The following HEATR4 variants were observed in gnomAD, a reference collection of about 807,000 sequenced individuals.
The protein encoded by HEATR4 is HEAT repeat containing 4, also known as HEAT repeat-containing protein 4.
In HEATR4, 95 loss-of-function variants were observed where a neutral mutation model predicts 108.8. The observed-to-expected ratio is 0.87, with a 90% confidence interval of 0.74 to 1.04. The LOEUF (loss-of-function observed/expected upper bound fraction) is 1.04. Among genes scored for constraint, HEATR4 ranks in the 50% least tolerant of loss-of-function variants. HEATR4 has a pLI of 0.00. For missense variants in HEATR4, 1,152 were observed against 1,253.8 expected (o/e 0.92, Z 1.23); for synonymous variants, 443 against 459.4 (o/e 0.96, Z 0.46).
chr14:73,496,131 C>T (rs1011412148), intron 15 of HEATR4, among the ~76,000 whole-genome samples: 6 of 151,474 alleles, frequency 4.0e-5, no homozygotes, highest in East Asian at 1.9e-4. Flanking sequence ...CTGTCCCCCC[C>T]TCAAAAAAAA....
intron 10 of HEATR4, among the ~76,000 whole-genome samples, chr14:73,504,805 GCA>G (rs1886707836): frequency 6.6e-6 from 1 of 152,210 alleles, no homozygotes; most frequent in Non-Finnish European, 1.5e-5. Context: ...AGATGAAGTA[GCA>G]CATAGGAAGA....
chr14:73,537,514 G>T lies in HEATR4; in HGVS notation c.-151-7270C>A, dbSNP rs1180383431. 26 of 1,213,748 alleles carry T rather than the reference G, an allele frequency of 2.1e-5. 7 individuals carry two copies. The highest frequency in any genetic ancestry group is 2.8e-5 in the Non-Finnish European group (26 of 922,180). 75.2% of individuals were successfully genotyped at this position (1,213,748 alleles called of 1,614,324 possible). A position where few individuals can be genotyped will look rare whatever the true frequency, so the allele number is the denominator to read the frequency against. ...TGCGCGGCCTAGCCCCGGAGCAGCCGGTCACGCTGCGCGCGTCCCTGCGCG... is the reference window on the plus strand; with the variant it reads ...TGCGCGGCCTAGCCCCGGAGCAGCCTGTCACGCTGCGCGCGTCCCTGCGCG... On this transcript the variant is annotated intron_variant, in intron 1 of 17. Transcript: ENST00000553558.
intron 2 of HEATR4, among the ~76,000 whole-genome samples, chr14:73,528,514 A>T (rs1345123345): frequency 6.6e-6 from 1 of 152,002 alleles, no homozygotes; most frequent in Non-Finnish European, 1.5e-5. Context: ...ACAAAATATT[A>T]CTAGGTCTGA....
intron 7 of HEATR4, among the ~76,000 whole-genome samples, chr14:73,511,633 G>T (rs542361446): frequency 6.6e-6 from 1 of 152,078 alleles, no homozygotes; most frequent in Non-Finnish European, 1.5e-5. Context: ...CCAGCAGTTT[G>T]GGAGGTTAAG....
the HEATR4 span, chr14:73,631,763 C>T: frequency 1.3e-5 from 2 of 154,328 alleles, no homozygotes; most frequent in Non-Finnish European, 2.9e-5. Flanking sequence ...ACCACCTGGC[C>T]TGAGGTTGAA....
intron 17 of HEATR4, chr14:73,491,845 C>A: frequency 6.2e-7 from 1 of 1,609,548 alleles, no homozygotes; most frequent in South Asian, 1.1e-5. Context: ...AGACCCTGAA[C>A]CCACCCGGCC....
the HEATR4 span, among the ~76,000 whole-genome samples, chr14:73,587,523 T>C: frequency 6.6e-6 from 1 of 152,144 alleles, no homozygotes; most frequent in Non-Finnish European, 1.5e-5. Context: ...ACCCAGCTAA[T>C]TTTTGCATTT....
At chr14:73,576,309 AACT>A in the HEATR4 span, among the ~76,000 whole-genome samples, 4 of 152,022 alleles carry the variant, frequency 2.6e-5, no homozygotes, top group African/African-American at 9.7e-5. Context: ...TTAGATATAA[AACT>A]ACTAAAAATT....
At chr14:73,616,422 G>T in the HEATR4 span, among the ~76,000 whole-genome samples, 2 of 152,106 alleles carry the variant, frequency 1.3e-5, no homozygotes. Flanking sequence ...GCCGGTTGCG[G>T]TGGCTCACAC....
chr14:73,490,048 T>A (rs560774304), intron 17 of HEATR4, among the ~76,000 whole-genome samples: 2 of 152,324 alleles, frequency 1.3e-5, no homozygotes, highest in South Asian at 4.1e-4. Context: ...CAAGGAACAC[T>A]GCAATGTGCA....
chr14:73,506,809 T>TTTTTTTTTTGTTTTTG (rs1886877370), intron 9 of HEATR4, among the ~76,000 whole-genome samples: 3 of 112,608 alleles, frequency 2.7e-5, no homozygotes, highest in Admixed American at 2.5e-4. Flanking sequence ...TAACTGTTTT[T>TTTTTTTTTTGTTTTTG]TTTTTTTTTT....
intron 17 of HEATR4, among the ~76,000 whole-genome samples, chr14:73,486,274 C>G (rs1305602914): frequency 6.6e-6 from 1 of 152,194 alleles, no homozygotes; most frequent in Non-Finnish European, 1.5e-5. Context: ...CTAAATGACC[C>G]CTGGGGGTGC....
chr14:73,555,832 C>G (rs1480003154), intron 1 of HEATR4, among the ~76,000 whole-genome samples: 1 of 112,408 alleles, frequency 8.9e-6, no homozygotes. Context: ...ATGGAGAAAC[C>G]CCATCTCTAC....
chr14:73,520,967 A>T lies in HEATR4; in HGVS notation c.954T>A (p.His318Gln), dbSNP rs748982651. ...GGGGCTGGGAGAGGCTCGTCTTTTC[A>T]TGGATATCCTCAGTGCTCTTGTTGC... ...MPGNKSTEDI[H>Q]EKTSLSQPQT... The change falls in exon 4 of 18, where the codon CAT becomes CAA. Residue 318 changes from histidine to glutamine, a missense_variant. His to Gln is a conservative substitution (Grantham distance 24). Transcript: ENST00000553558. 1 of 1,613,752 alleles carries T rather than the reference A, an allele frequency of 6.2e-7. No homozygotes were observed. Among genetic ancestry groups the T allele is most frequent in the South Asian group, 1.1e-5 (1 of 91,052 alleles).
the HEATR4 span, chr14:73,569,518 C>A: frequency 2.5e-5 from 40 of 1,609,034 alleles, 1 homozygote; most frequent in Non-Finnish European, 3.2e-5. Flanking sequence ...CCGGAGCAGC[C>A]GGTCACGCTG....
the HEATR4 span, among the ~76,000 whole-genome samples, chr14:73,594,769 C>T: frequency 6.6e-6 from 1 of 152,258 alleles, no homozygotes; most frequent in South Asian, 2.1e-4. Flanking sequence ...GGCGCAATCT[C>T]GGCTCACTGC....
chr14:73,563,881 G>C (rs1316553115), upstream of HEATR4, among the ~76,000 whole-genome samples: 1 of 151,948 alleles, frequency 6.6e-6, no homozygotes, highest in Non-Finnish European at 1.5e-5. Context: ...TGAGGCGGTA[G>C]GGTCACTTGT....
the HEATR4 span, among the ~76,000 whole-genome samples, chr14:73,574,077 GC>G: frequency 6.6e-6 from 1 of 150,976 alleles, no homozygotes; most frequent in Non-Finnish European, 1.5e-5. Flanking sequence ...CGCCATGTTG[GC>G]CAGGCTGGTC....
At position 73,495,224 on chromosome 14, in the gene HEATR4, C is replaced by G. The variant is rs200663445; in HGVS notation, c.2785+4G>C. 13 of 1,612,328 alleles carry G rather than the reference C, an allele frequency of 8.1e-6. No individual in the cohort carries two copies. The East Asian group carries it at 2.9e-4, about 36-fold the overall frequency. On this transcript the variant is annotated splice_donor_region_variant and intron_variant, in intron 16 of 17. Coordinates refer to ENST00000553558, the MANE Select transcript of HEATR4 (RefSeq NM_001220484.1). ...GGCATGGAACTCACCCCTAGGAAAC[C>G]TACCCTGAAAAGTTTCTTGGAGTAA...
Sources: gnomAD v4.1 joint callset for allele counts (sites outside exome capture counted in the v4.1 genomes callset) on GRCh38, gnomAD v4.1.1 for gene constraint, MANE v1.5 for transcripts, NCBI Gene and HGNC (gene_info 2026-07-23, HGNC 2026-07-21) for gene names.